SPATA7: variants seen among roughly 807,000 people sequenced by gnomAD.
The protein encoded by SPATA7 is spermatogenesis-associated protein 7.
Under a neutral mutation model 51.8 loss-of-function variants are expected in SPATA7, and 43 were observed. The ratio of observed to expected loss-of-function variants is 0.83; its 90% CI spans 0.65 to 1.07. The LOEUF (loss-of-function observed/expected upper bound fraction) is 1.07, where lower values mean the gene tolerates loss of function less well. Ranked by LOEUF, SPATA7 falls within the 50% of genes least tolerant of loss-of-function variation. The probability of loss-of-function intolerance (pLI) is 0.00; values close to 1 mark genes in which losing one functional copy is unlikely to be tolerated. For synonymous variants in SPATA7, 230 were observed against 252.8 expected (o/e 0.91, Z 0.86); for missense variants, 683 against 701.3 (o/e 0.97, Z 0.30).
chr14:88,418,649 G>A (rs79205866), intron 5 of SPATA7, among the ~76,000 whole-genome samples: 5,359 of 151,762 alleles, frequency 0.035, 307 homozygotes, highest in African/African-American at 0.12. Flanking sequence ...TAATTTTTGT[G>A]TTTTTAGTAG....
At chr14:88,461,801 G>A (rs1020154716) in intron 4 of SPATA7, among the ~76,000 whole-genome samples, 29 of 152,236 alleles carry the variant, frequency 1.9e-4, no homozygotes, top group Middle Eastern at 6.8e-3. Flanking sequence ...TGCGTCACTC[G>A]CGCTGGGAGC....
downstream of SPATA7, among the ~76,000 whole-genome samples, chr14:88,459,175 G>T (rs569251359): frequency 5.5e-4 from 84 of 152,316 alleles, no homozygotes; most frequent in Non-Finnish European, 9.6e-4. Context: ...GGGCAATGTG[G>T]TGCTGAGAAG....
downstream of SPATA7, among the ~76,000 whole-genome samples, chr14:88,459,230 T>A (rs2077302523): frequency 1.3e-5 from 2 of 152,226 alleles, no homozygotes; most frequent in African/African-American, 4.8e-5. Flanking sequence ...TGTAGATGTC[T>A]ATTAGGTCTG....
At chr14:88,433,650 A>G (rs543343158) in intron 10 of SPATA7, among the ~76,000 whole-genome samples, 69 of 152,200 alleles carry the variant, frequency 4.5e-4, no homozygotes, top group Non-Finnish European at 8.5e-4. Context: ...AGTTAAATGG[A>G]AAGTTTGCAA....
In SPATA7 at chr14:88,438,167, T is replaced by G. The variant is rs183761283; in HGVS notation, c.1545T>G (p.Leu515=). Residue 515 remains leucine (L), a synonymous_variant, in exon 12 of 12, where the codon CTT becomes CTG. Transcript: ENST00000393545. ...IIQQVNDETN[L]ETSTLDENHP... is the part of the protein sequence containing the mutation. Reference sequence around the variant, plus strand: ...AACAGGTGAATGATGAAACAAATCTTGAAACTTCAACTTTGGATGAAAATC... The same window carrying G: ...AACAGGTGAATGATGAAACAAATCTGGAAACTTCAACTTTGGATGAAAATC... 5.6e-6 allele frequency: 9 copies of G among 1,613,690 alleles called. No homozygotes were observed. The Admixed American group carries it at 1.3e-4, about 24-fold the overall frequency.
At chr14:88,403,416 A>G (rs982982771) in intron 4 of SPATA7, among the ~76,000 whole-genome samples, 2 of 152,226 alleles carry the variant, frequency 1.3e-5, no homozygotes, top group African/African-American at 4.8e-5. Flanking sequence ...TATAGAAACA[A>G]CCTAAATGTT....
Position 88,427,713 on chromosome 14 carries a change from CTT to C in SPATA7, c.912+20_912+21del. 6.4e-7 allele frequency: 1 copy of C among 1,552,244 alleles called. No homozygotes were observed. The highest frequency in any genetic ancestry group is 8.9e-7 in the Non-Finnish European group (1 of 1,124,620). On this transcript the variant is annotated intron_variant, in intron 7 of 11. Coordinates refer to ENST00000393545, the MANE Select transcript of SPATA7 (RefSeq NM_018418.5). Reference sequence around the variant, plus strand: ...ATAAAGCAGGTAATAAGTATGAAATCTTTTGGTATTGCTACATTTGAATTACA... The same window carrying C: ...ATAAAGCAGGTAATAAGTATGAAATCTTGGTATTGCTACATTTGAATTACA...
In SPATA7 at chr14:88,391,390, C is replaced by T; in HGVS notation, c.29C>T (p.Thr10Ile). The T allele has an allele frequency of 6.2e-7, 1 of 1,612,884 alleles. No individual in the cohort carries two copies. The highest frequency in any genetic ancestry group is 8.5e-7 in the Non-Finnish European group (1 of 1,179,484). Residue 10 changes from threonine (T) to isoleucine (I), a missense_variant, in exon 2 of 12, where the codon ACC (threonine) becomes ATC (isoleucine). By Grantham distance (89) the Thr-to-Ile change is moderately conservative (BLOSUM62 -1). Transcript: ENST00000393545. MDGSRRVRA[T>I]SVLPRYGPPC... The stretch of plus-strand genomic sequence containing the variant: ...TTTTTCTTGTTAAAAGTCAGAGCAA[C>T]CTCTGTCCTTCCCAGATATGGTCCA...
Position 88,395,876 on chromosome 14 carries a change from T to C in SPATA7, c.191-280T>C, listed in dbSNP as rs564912852. On this transcript the variant is annotated intron_variant, in intron 3 of 11. Transcript: ENST00000393545. ...GTAAGTCTTCCATTTTGCTTTTTTT[T>C]CCCCAAGCTTGTTTTGGGACTACAT... Among the ~76,000 whole-genome samples, 10 of 152,276 alleles carry C rather than the reference T, an allele frequency of 6.6e-5. No homozygotes were observed. The South Asian group carries it at 1.7e-3, about 25-fold the overall frequency.
chr14:88,396,105 G>A, intron 3 of SPATA7, 51 bp from the exon 4 acceptor site: 1 of 1,454,324 alleles, frequency 6.9e-7, no homozygotes, highest in Non-Finnish European at 9.6e-7. Flanking sequence ...TTTGGTATTT[G>A]TCATTTATAA....
intron 2 of SPATA7, among the ~76,000 whole-genome samples, chr14:88,391,990 C>T (rs551921073): frequency 1.3e-5 from 2 of 152,182 alleles, no homozygotes; most frequent in Non-Finnish European, 2.9e-5. Flanking sequence ...AGTCTATGTC[C>T]TTAGGCAAAA....
In SPATA7 at chr14:88,396,143, C is replaced by T. The variant is rs1223454296; in HGVS notation, c.191-13C>T. 6.2e-7 allele frequency: 1 copy of T among 1,601,840 alleles called. No individual in the cohort carries two copies. Among genetic ancestry groups the T allele is most frequent in the Non-Finnish European group, 8.5e-7 (1 of 1,170,048 alleles). On this transcript the variant is annotated splice_polypyrimidine_tract_variant and intron_variant, in intron 3 of 11. Coordinates refer to ENST00000393545, the MANE Select transcript of SPATA7 (RefSeq NM_018418.5). ...ACTGACAATATTATTAAACTATTACCTTTCTCTTTCAGCTGCAGTAGACTG... is the reference window on the plus strand; with the variant it reads ...ACTGACAATATTATTAAACTATTACTTTTCTCTTTCAGCTGCAGTAGACTG...
chr14:88,419,718 G>A (rs924001092), intron 5 of SPATA7, among the ~76,000 whole-genome samples: 1 of 151,692 alleles, frequency 6.6e-6, no homozygotes, highest in East Asian at 1.9e-4. Flanking sequence ...GTAGAGACGG[G>A]GTTCCACCAT....
At chr14:88,466,172 T>C (rs533840306) in intron 4 of SPATA7, 46 of 152,296 alleles carry the variant, frequency 3.0e-4, no homozygotes, top group African/African-American at 1.1e-3. Context: ...CTGAATATTT[T>C]CACTTAGTTC....
At chr14:88,399,242 T>C (rs2075989160) in intron 4 of SPATA7, among the ~76,000 whole-genome samples, 1 of 152,002 alleles carries the variant, frequency 6.6e-6, no homozygotes, top group African/African-American at 2.4e-5. Flanking sequence ...GGGGAGAAAG[T>C]AACTACCAGC....
chr14:88,453,540 G>T (rs1201202175), intron 3 of SPATA7, among the ~76,000 whole-genome samples: 1 of 152,112 alleles, frequency 6.6e-6, no homozygotes, highest in Non-Finnish European at 1.5e-5. Context: ...CCCAGACCTT[G>T]TGTGTTTTTG....
chr14:88,388,298 A>G (rs1475380467), intron 1 of SPATA7, among the ~76,000 whole-genome samples: 2 of 152,206 alleles, frequency 1.3e-5, no homozygotes, highest in South Asian at 2.1e-4. Context: ...TGCCACAAGA[A>G]ACACTTTCAT....
chr14:88,443,151 G>C (rs1210338494), downstream of SPATA7, among the ~76,000 whole-genome samples: 2 of 152,022 alleles, frequency 1.3e-5, no homozygotes, highest in Non-Finnish European at 2.9e-5. Flanking sequence ...CACCATGTTG[G>C]CCAGACTGGT....
At chr14:88,398,277 C>T (rs2139892066) in intron 4 of SPATA7, among the ~76,000 whole-genome samples, 1 of 151,782 alleles carries the variant, frequency 6.6e-6, no homozygotes, top group African/African-American at 2.4e-5. Flanking sequence ...GGCACATATA[C>T]ACCATGGAAT....
Sources: gnomAD v4.1 joint callset for allele counts (sites outside exome capture counted in the v4.1 genomes callset) on GRCh38, gnomAD v4.1.1 for gene constraint, MANE v1.5 for transcripts, NCBI Gene and HGNC (gene_info 2026-07-23, HGNC 2026-07-21) for gene names.